DPYD: variants seen among roughly 807,000 people sequenced by gnomAD.
DPYD encodes dihydropyrimidine dehydrogenase.
Under a neutral mutation model 116.2 loss-of-function variants are expected in DPYD, and 109 were observed. The ratio of observed to expected loss-of-function variants is 0.94; its 90% CI spans 0.80 to 1.10. The LOEUF is 1.10. Among genes scored for constraint, DPYD ranks in the 50% least tolerant of loss-of-function variants. The probability of loss-of-function intolerance (pLI) is 0.00; values close to 1 mark genes in which losing one functional copy is unlikely to be tolerated. For synonymous variants in DPYD, 440 were observed against 432.0 expected (o/e 1.02, Z -0.23); for missense variants, 1,302 against 1,254.5 (o/e 1.04, Z -0.57).
chr1:97,094,324 T>C (rs770433274), intron 21 of DPYD, among the ~76,000 whole-genome samples: 1 of 152,028 alleles, frequency 6.6e-6, no homozygotes. Flanking sequence ...TCCTTCATAA[T>C]AGTTGGAGAA....
At chr1:97,865,959 G>A (rs186408117) in intron 2 of DPYD, among the ~76,000 whole-genome samples, 60 of 151,946 alleles carry the variant, frequency 3.9e-4, no homozygotes, top group Admixed American at 1.6e-3. Flanking sequence ...AAACAAAGAA[G>A]ACTAAGACAC....
intron 14 of DPYD, among the ~76,000 whole-genome samples, chr1:97,421,269 T>C (rs1674564600): frequency 6.6e-6 from 1 of 152,160 alleles, no homozygotes; most frequent in Non-Finnish European, 1.5e-5. Context: ...GGCACACAAG[T>C]GGTCAAGAAA....
intron 3 of DPYD, among the ~76,000 whole-genome samples, chr1:97,803,524 A>G (rs1667938618): frequency 6.6e-6 from 1 of 151,928 alleles, no homozygotes; most frequent in Admixed American, 6.6e-5. Context: ...AGAGAATGAA[A>G]ATATGGACAC....
chr1:97,920,797 G>C, intron 1 of DPYD, 87 bp downstream of exon 1: 2 of 1,509,800 alleles, frequency 1.3e-6, no homozygotes, highest in South Asian at 1.2e-5. Flanking sequence ...TCCGGGGTGC[G>C]GGGGCCGCGG....
intron 18 of DPYD, among the ~76,000 whole-genome samples, chr1:97,257,609 C>T (rs957034857): frequency 6.6e-6 from 1 of 151,170 alleles, no homozygotes; most frequent in Non-Finnish European, 1.5e-5. Flanking sequence ...AGTATATCTT[C>T]CCAGCTATTT....
At chr1:97,384,254 A>G (rs1002985819) in intron 14 of DPYD, among the ~76,000 whole-genome samples, 1 of 151,828 alleles carries the variant, frequency 6.6e-6, no homozygotes, top group African/African-American at 2.4e-5. Flanking sequence ...GAGAAAAAAA[A>G]AAAAAAAGAT....
At chr1:97,557,619 T>C (rs1174431822) in intron 11 of DPYD, among the ~76,000 whole-genome samples, 1 of 152,114 alleles carries the variant, frequency 6.6e-6, no homozygotes, top group Non-Finnish European at 1.5e-5. Flanking sequence ...TCTGGTCCCA[T>C]TCCCTTCTTC....
At chr1:97,882,290 T>C (rs1672265413) in intron 2 of DPYD, among the ~76,000 whole-genome samples, 1 of 151,980 alleles carries the variant, frequency 6.6e-6, no homozygotes, top group African/African-American at 2.4e-5. Flanking sequence ...CTCTGTTTCT[T>C]TTTCTTTTTT....
chr1:97,564,028 T>C (rs1359481235), intron 11 of DPYD, among the ~76,000 whole-genome samples: 1 of 152,166 alleles, frequency 6.6e-6, no homozygotes, highest in Admixed American at 6.5e-5. Context: ...ATGTACAGTG[T>C]TTCAGTTAGG....
At chr1:97,437,490 T>C (rs1340742552) in intron 14 of DPYD, among the ~76,000 whole-genome samples, 1 of 151,946 alleles carries the variant, frequency 6.6e-6, no homozygotes, top group Admixed American at 6.6e-5. Context: ...GTTGTTGTTG[T>C]TGTTACAAAT....
At chr1:97,715,953 C>T (rs1014379775) in intron 5 of DPYD, among the ~76,000 whole-genome samples, 4 of 152,028 alleles carry the variant, frequency 2.6e-5, no homozygotes, top group Admixed American at 2.0e-4. Flanking sequence ...CAGTGACTGC[C>T]ATAACCAAGG....
At chr1:97,732,642 A>G (rs1490382430) in intron 4 of DPYD, among the ~76,000 whole-genome samples, 1 of 152,044 alleles carries the variant, frequency 6.6e-6, no homozygotes, top group Non-Finnish European at 1.5e-5. Context: ...TAACAATAAT[A>G]CCCCAGTCCT....
At chr1:97,666,723 T>C (rs1213078711) in intron 8 of DPYD, among the ~76,000 whole-genome samples, 1 of 152,126 alleles carries the variant, frequency 6.6e-6, no homozygotes, top group Non-Finnish European at 1.5e-5. Flanking sequence ...TTTCTCACCA[T>C]GGGGGGTTTC....
intron 16 of DPYD, among the ~76,000 whole-genome samples, chr1:97,366,205 C>A (rs779752987): frequency 3.3e-5 from 5 of 152,098 alleles, no homozygotes; most frequent in Non-Finnish European, 5.9e-5. Context: ...TATGTAAGCA[C>A]CCATGTCTAT....
chr1:97,459,638 A>C (rs1204798376), intron 13 of DPYD, among the ~76,000 whole-genome samples: 1 of 152,152 alleles, frequency 6.6e-6, no homozygotes, highest in Non-Finnish European at 1.5e-5. Context: ...AGAAATGTTA[A>C]CTGAGAATTG....
At chr1:97,790,913 T>G (rs1667290145) in intron 3 of DPYD, among the ~76,000 whole-genome samples, 1 of 152,210 alleles carries the variant, frequency 6.6e-6, no homozygotes, top group Non-Finnish European at 1.5e-5. Flanking sequence ...AAAAATAAAT[T>G]TCCAGTTATC....
At chr1:97,268,376 C>T (rs12048612) in intron 18 of DPYD, among the ~76,000 whole-genome samples, 59,661 of 151,900 alleles carry the variant, frequency 0.39, 12,341 homozygotes, top group African/African-American at 0.52. Flanking sequence ...AGTGGGGATT[C>T]CCTGCAGTAG....
intron 1 of DPYD, among the ~76,000 whole-genome samples, chr1:97,892,870 T>C (rs1300195120): frequency 6.6e-6 from 1 of 151,834 alleles, no homozygotes; most frequent in Non-Finnish European, 1.5e-5. Flanking sequence ...CTAAGCAATA[T>C]GCATAGTGTT....
chr1:97,758,502 A>C (rs1665387796), intron 3 of DPYD, among the ~76,000 whole-genome samples: 1 of 152,206 alleles, frequency 6.6e-6, no homozygotes, highest in Admixed American at 6.6e-5. Context: ...TTAGCAGTGA[A>C]ACCCTTATTT....
Sources: gnomAD v4.1 joint callset for allele counts (sites outside exome capture counted in the v4.1 genomes callset) on GRCh38, gnomAD v4.1.1 for gene constraint, MANE v1.5 for transcripts, NCBI Gene and HGNC (gene_info 2026-07-23, HGNC 2026-07-21) for gene names.